Variants in RBFOX1 observed in about 807,000 individuals in gnomAD.
RBFOX1 encodes RNA binding protein fox-1 homolog 1.
In RBFOX1, 8 loss-of-function variants were observed where a neutral mutation model predicts 57.7. The ratio of observed to expected loss-of-function variants is 0.14; its 90% CI spans 0.08 to 0.25. RBFOX1 has a LOEUF of 0.25. Ranked by LOEUF, RBFOX1 falls within the 10% of genes least tolerant of loss-of-function variation. The pLI, the probability that RBFOX1 is intolerant of heterozygous loss-of-function variation, is 1.00. For missense variants in RBFOX1, 611 were observed against 548.5 expected (o/e 1.11, Z -1.14); for synonymous variants, 326 against 222.4 (o/e 1.47, Z -4.15).
At chr16:6,101,916 C>A (rs186112629) in intron 1 of RBFOX1, among the ~76,000 whole-genome samples, 15 of 152,144 alleles carry the variant, frequency 9.9e-5, no homozygotes, top group Admixed American at 2.0e-4. Context: ...TTTGGCCAGT[C>A]CACGAATAGT....
At chr16:6,333,878 T>G (rs947296707) in intron 2 of RBFOX1, among the ~76,000 whole-genome samples, 1 of 152,192 alleles carries the variant, frequency 6.6e-6, no homozygotes, top group Non-Finnish European at 1.5e-5. Flanking sequence ...GTCTCATTAG[T>G]TGAAGAAATC....
At chr16:6,556,442 C>T (rs8062416) in intron 2 of RBFOX1, among the ~76,000 whole-genome samples, 150,010 of 152,304 alleles carry the variant, frequency 0.98, 73,919 homozygotes, top group Middle Eastern at 1. Context: ...TCGGTCATCT[C>T]AAATAAATGT....
intron 4 of RBFOX1, among the ~76,000 whole-genome samples, chr16:7,383,179 A>G (rs1389945429): frequency 3.3e-5 from 5 of 152,030 alleles, no homozygotes; most frequent in Admixed American, 1.3e-4. Flanking sequence ...CCCGTTGTCC[A>G]TGATGTGCTT....
chr16:6,770,594 CA>C lies in RBFOX1; in HGVS notation c.-16+115946del, dbSNP rs1449980038. On this transcript the variant is annotated intron_variant, in intron 3 of 15. Coordinates refer to ENST00000550418, the MANE Select transcript of RBFOX1 (RefSeq NM_018723.4). ...TCACAATTTCAAGGTGTTCCCTGTTCAATTTTTTTTTTTAATGTGAGAAAAG... is the reference window on the plus strand; with the variant it reads ...TCACAATTTCAAGGTGTTCCCTGTTCATTTTTTTTTTTAATGTGAGAAAAG... Among the ~76,000 whole-genome samples the C allele has an allele frequency of 3.4e-5, 5 of 145,514 alleles. No homozygotes were observed. The South Asian group carries it at 8.5e-4, about 25-fold the overall frequency.
At chr16:7,129,611 A>G (rs1600390984) in intron 4 of RBFOX1, among the ~76,000 whole-genome samples, 1 of 152,264 alleles carries the variant, frequency 6.6e-6, no homozygotes, top group Admixed American at 6.5e-5. Flanking sequence ...AAGTGTATGC[A>G]TCTGATTGTT....
rs566778849 is a variant in RBFOX1 at position 6,789,019 on chromosome 16, T to A, written c.-16+134369T>A. On this transcript the variant is annotated intron_variant, in intron 3 of 15. Coordinates refer to ENST00000550418, the MANE Select transcript of RBFOX1 (RefSeq NM_018723.4). The stretch of plus-strand genomic sequence containing the variant: ...AAAAGTCACTTCTGGATGGACCCAG[T>A]CTGAAGATGGTTCTCCTGCTGTATA... 2.0e-5 allele frequency among the ~76,000 whole-genome samples: 3 copies of A among 152,224 alleles called. No individual in the cohort carries two copies. The South Asian group carries it at 6.2e-4, about 32-fold the overall frequency.
At chr16:6,574,529 C>T (rs1376823186) in intron 2 of RBFOX1, among the ~76,000 whole-genome samples, 2 of 147,694 alleles carry the variant, frequency 1.4e-5, no homozygotes, top group African/African-American at 4.9e-5. Context: ...CCAGGGTTCA[C>T]GCCATTCTCC....
At chr16:7,399,238 A>G (rs530673233) in intron 4 of RBFOX1, among the ~76,000 whole-genome samples, 78 of 152,366 alleles carry the variant, frequency 5.1e-4, no homozygotes, top group African/African-American at 1.8e-3. Context: ...ACCTGAGGTC[A>G]GTAGTTTGAG....
intron 1 of RBFOX1, among the ~76,000 whole-genome samples, chr16:5,314,267 A>T (rs949919021): frequency 6.6e-6 from 1 of 152,220 alleles, no homozygotes; most frequent in Non-Finnish European, 1.5e-5. Flanking sequence ...GACCCAACAG[A>T]TAACCAGCCT....
In RBFOX1 at chr16:5,746,282, T is replaced by C. The variant is rs180887990; in HGVS notation, c.319-121021T>C. ...GGTATTATTTCCAAGGGCTGTGTTC[T>C]GTTCCATTGGTCTATATCTCTGTTT... On this transcript the variant is annotated intron_variant, in intron 3 of 19. Coordinates refer to the RBFOX1 transcript ENST00000641259. Among the ~76,000 whole-genome samples the C allele has an allele frequency of 1.2e-4, 19 of 152,342 alleles. No individual in the cohort carries two copies. In the East Asian group the frequency reaches 3.7e-3, roughly 29 times the overall value.
At chr16:7,437,476 A>T (rs1055946217) in intron 4 of RBFOX1, among the ~76,000 whole-genome samples, 6 of 152,116 alleles carry the variant, frequency 3.9e-5, no homozygotes, top group African/African-American at 1.4e-4. Context: ...AAAATTGTTG[A>T]CGTTCCATGC....
intron 4 of RBFOX1, among the ~76,000 whole-genome samples, chr16:5,979,348 C>G (rs1596334436): frequency 6.6e-6 from 1 of 152,180 alleles, no homozygotes; most frequent in East Asian, 1.9e-4. Context: ...ATGTAGCCCT[C>G]TTGACAACCA....
intron 3 of RBFOX1, among the ~76,000 whole-genome samples, chr16:6,720,278 A>G (rs898896567): frequency 6.6e-6 from 1 of 150,948 alleles, no homozygotes; most frequent in Non-Finnish European, 1.5e-5. Flanking sequence ...TTCCCCCTTC[A>G]CTCTTTTTCT....
intron 4 of RBFOX1, among the ~76,000 whole-genome samples, chr16:7,199,849 C>G (rs1285184992): frequency 6.6e-6 from 1 of 152,060 alleles, no homozygotes; most frequent in Non-Finnish European, 1.5e-5. Context: ...GAGCTCAGAT[C>G]TCATAACTAT....
intron 2 of RBFOX1, among the ~76,000 whole-genome samples, chr16:6,321,595 G>A (rs907715766): frequency 6.6e-6 from 1 of 152,178 alleles, no homozygotes; most frequent in African/African-American, 2.4e-5. Context: ...TATTCAAATA[G>A]TATATCACCT....
At chr16:7,187,726 GGAAAA>G (rs144730240) in intron 4 of RBFOX1, among the ~76,000 whole-genome samples, 11,475 of 109,910 alleles carry the variant, frequency 0.1, 1,049 homozygotes, top group African/African-American at 0.26. Context: ...AAAAAAAAAA[GGAAAA>G]GAAAAGAAGC....
chr16:6,569,634 C>G (rs1385009113), intron 2 of RBFOX1, among the ~76,000 whole-genome samples: 1 of 152,198 alleles, frequency 6.6e-6, no homozygotes, highest in Non-Finnish European at 1.5e-5. Context: ...GTTTCATGGG[C>G]TCTGTCAACC....
intron 4 of RBFOX1, among the ~76,000 whole-genome samples, chr16:7,428,296 A>T (rs569608576): frequency 6.9e-6 from 1 of 145,058 alleles, no homozygotes; most frequent in Non-Finnish European, 1.5e-5. Flanking sequence ...TTTGTATGAG[A>T]TATATTTGAC....
At chr16:6,521,878 G>T (rs546946416) in intron 2 of RBFOX1, among the ~76,000 whole-genome samples, 1 of 152,182 alleles carries the variant, frequency 6.6e-6, no homozygotes, top group East Asian at 1.9e-4. Context: ...CTTATCACTG[G>T]CCCATTTTAA....
Sources: gnomAD v4.1 joint callset for allele counts (sites outside exome capture counted in the v4.1 genomes callset) on GRCh38, gnomAD v4.1.1 for gene constraint, MANE v1.5 for transcripts, NCBI Gene and HGNC (gene_info 2026-07-23, HGNC 2026-07-21) for gene names.